Variants in ARHGEF33 observed in about 807,000 individuals in gnomAD.
ARHGEF33 encodes Rho guanine nucleotide exchange factor 33.
ARHGEF33 carries 72 observed loss-of-function variants against 101.9 expected under a neutral mutation model. The observed-to-expected ratio is 0.71, with a 90% CI of 0.58 to 0.86. The LOEUF (loss-of-function observed/expected upper bound fraction) is 0.86, where lower values mean the gene tolerates loss of function less well. Among genes scored for constraint, ARHGEF33 ranks in the 40% least tolerant of loss-of-function variants. ARHGEF33 has a pLI of 0.00. For missense variants in ARHGEF33, 1,169 were observed against 1,111.3 expected (o/e 1.05, Z -0.74); for synonymous variants, 499 against 442.5 (o/e 1.13, Z -1.60).
chr2:38,917,665 ACAAAAATAAAAAAAT>A (rs1401064772), intron 2 of ARHGEF33, among the ~76,000 whole-genome samples: 1 of 151,706 alleles, frequency 6.6e-6, no homozygotes, highest in Admixed American at 6.6e-5. Context: ...TCCTGTCTCT[ACAAAAATAAAAAAAT>A]TAGCCAGGCA....
chr2:38,939,032 T>G (rs114383460), intron 9 of ARHGEF33, among the ~76,000 whole-genome samples: 1,687 of 152,210 alleles, frequency 0.011, 32 homozygotes, highest in African/African-American at 0.038. Context: ...GAGTGCAATG[T>G]CGTGATCTTG....
At chr2:38,926,502 C>T (rs1402765383) in intron 4 of ARHGEF33, among the ~76,000 whole-genome samples, 3 of 152,128 alleles carry the variant, frequency 2.0e-5, no homozygotes, top group Non-Finnish European at 2.9e-5. Flanking sequence ...CTTCCCCTCC[C>T]GGGCTGGTCA....
At chr2:38,956,293 C>A (rs1572774927) in intron 13 of ARHGEF33, among the ~76,000 whole-genome samples, 1 of 152,158 alleles carries the variant, frequency 6.6e-6, no homozygotes. Flanking sequence ...CTTCTTCGTA[C>A]CTCGATTTCC....
intron 2 of ARHGEF33, among the ~76,000 whole-genome samples, chr2:38,917,258 A>C: frequency 6.6e-6 from 1 of 150,940 alleles, no homozygotes; most frequent in Non-Finnish European, 1.5e-5. Context: ...TGCCTGGCTA[A>C]TTTTTGTATT....
chr2:38,901,132 A>C (rs1342904249), intron 2 of ARHGEF33, among the ~76,000 whole-genome samples: 1 of 152,148 alleles, frequency 6.6e-6, no homozygotes, highest in Non-Finnish European at 1.5e-5. Flanking sequence ...TTATCGGAGC[A>C]TTTCTTTCTT....
chr2:38,973,820 C>G lies in ARHGEF33; in HGVS notation c.2590C>G (p.Leu864Val). 1 of 1,548,466 alleles carries G rather than the reference C, an allele frequency of 6.5e-7. No individual in the cohort carries two copies. Among genetic ancestry groups the G allele is most frequent in the Non-Finnish European group, 8.7e-7 (1 of 1,145,850 alleles). ...AAACCGACTTGCTCTTGCAAATGAC[C>G]TTGACCAAGGAACAGCTGTGTAAAA... The part of the protein sequence containing the change: ...FRNRLALAND[L>V]DQGTAV Residue 864 changes from leucine (L) to valine (V), a missense_variant, in exon 18 of 18, where the codon CTT becomes GTT. Transcript: ENST00000409978.
intron 2 of ARHGEF33, among the ~76,000 whole-genome samples, chr2:38,914,664 CAAAAAA>C (rs199737558): frequency 1.0e-5 from 1 of 95,954 alleles, no homozygotes. Context: ...GACTCCATCT[CAAAAAA>C]AAAAAAAAAA....
chr2:38,942,411 C>G (rs955963728), intron 9 of ARHGEF33, among the ~76,000 whole-genome samples: 1 of 151,082 alleles, frequency 6.6e-6, no homozygotes, highest in Non-Finnish European at 1.5e-5. Context: ...CTGCCCACCT[C>G]GACCTCCCAA....
chr2:38,959,779 C>T, intron 15 of ARHGEF33, 62 bp from the exon 16 acceptor site: 1 of 1,448,140 alleles, frequency 6.9e-7, no homozygotes, highest in Non-Finnish European at 9.1e-7. Flanking sequence ...CGCCGGCAGG[C>T]GAGAGGCCTG....
At chr2:38,971,733 A>T (rs1400996898) in intron 17 of ARHGEF33, 2 of 686,896 alleles carry the variant, frequency 2.9e-6, no homozygotes, top group Non-Finnish European at 5.4e-6. Flanking sequence ...TAGTTTAATT[A>T]ATATCAAGAA....
chr2:38,890,968 G>GTTTTTTTTT (rs11380408), intron 1 of ARHGEF33, among the ~76,000 whole-genome samples: 2 of 145,006 alleles, frequency 1.4e-5, no homozygotes. Context: ...CATACTATTG[G>GTTTTTTTTT]TTTTTTTTTT....
At chr2:38,927,265 A>G (rs1176239875) in intron 4 of ARHGEF33, among the ~76,000 whole-genome samples, 1 of 152,228 alleles carries the variant, frequency 6.6e-6, no homozygotes, top group East Asian at 1.9e-4. Context: ...TAGGAGACAA[A>G]GTCACTGTAT....
intron 1 of ARHGEF33, among the ~76,000 whole-genome samples, chr2:38,895,328 C>A (rs1382861616): frequency 6.6e-6 from 1 of 152,130 alleles, no homozygotes; most frequent in African/African-American, 2.4e-5. Flanking sequence ...AAAGAAAAAC[C>A]TATTACAAAC....
At chr2:38,902,865 G>GGA (rs1442489708) in intron 2 of ARHGEF33, among the ~76,000 whole-genome samples, 2 of 152,078 alleles carry the variant, frequency 1.3e-5, no homozygotes, top group African/African-American at 4.8e-5. Flanking sequence ...GCAGTGAAAG[G>GGA]GAGATAGGGT....
intron 11 of ARHGEF33, 79 bp downstream of exon 11, chr2:38,951,200 T>A: frequency 7.3e-7 from 1 of 1,365,072 alleles, no homozygotes; most frequent in Non-Finnish European, 1.0e-6. Context: ...TAATAGAGAA[T>A]CTAGAAGCAG....
At chr2:38,933,458 A>G (rs974303314) in intron 7 of ARHGEF33, among the ~76,000 whole-genome samples, 1 of 151,620 alleles carries the variant, frequency 6.6e-6, no homozygotes, top group Admixed American at 6.6e-5. Flanking sequence ...ATCTCGGCTC[A>G]CTGCAACCTC....
intron 4 of ARHGEF33, among the ~76,000 whole-genome samples, chr2:38,928,364 T>G (rs140418687): frequency 2.6e-5 from 4 of 152,264 alleles, no homozygotes; most frequent in African/African-American, 9.6e-5. Flanking sequence ...TACTGTTACC[T>G]CCTTTCCCAT....
chr2:38,935,483 T>C (rs1667108236), intron 7 of ARHGEF33, among the ~76,000 whole-genome samples: 1 of 152,204 alleles, frequency 6.6e-6, no homozygotes, highest in Admixed American at 6.5e-5. Context: ...ACCACCATTA[T>C]AGTTAAACAA....
chr2:38,929,977 T>C (rs1226870213), intron 6 of ARHGEF33, 147 bp downstream of exon 6: 2 of 616,120 alleles, frequency 3.2e-6, no homozygotes, highest in Non-Finnish European at 5.4e-6. Flanking sequence ...TATAGAATTA[T>C]AAAATTGGTT....
Sources: allele counts gnomAD v4.1 joint callset (sites outside exome capture counted in the v4.1 genomes callset), GRCh38; gene constraint gnomAD v4.1.1; transcripts MANE v1.5; gene names NCBI Gene and HGNC (gene_info 2026-07-23, HGNC 2026-07-21).